Variants in CADM2 observed in about 807,000 individuals in gnomAD.
CADM2 encodes immunoglobulin superfamily member 4D.
CADM2 carries 12 observed loss-of-function variants against 49.8 expected under a neutral mutation model. That is an observed-to-expected ratio of 0.24 (90% confidence interval 0.15 to 0.39). The LOEUF (loss-of-function observed/expected upper bound fraction) is 0.39. CADM2 is among the 10% of genes least tolerant of loss of function. The probability of loss-of-function intolerance (pLI) is 1.00; values close to 1 mark genes in which losing one functional copy is unlikely to be tolerated. For missense variants in CADM2, 378 were observed against 492.3 expected (o/e 0.77, Z 2.20); for synonymous variants, 214 against 175.4 (o/e 1.22, Z -1.74).
chr3:85,167,570 G>A (rs1440183407), intron 1 of CADM2, among the ~76,000 whole-genome samples: 1 of 152,026 alleles, frequency 6.6e-6, no homozygotes, highest in African/African-American at 2.4e-5. Flanking sequence ...TTATAAACTA[G>A]GAGGTGTGAA....
Position 86,036,383 on chromosome 3 carries a change from C to T in CADM2, c.971-29222C>T, listed in dbSNP as rs181162504. On this transcript the variant is annotated intron_variant, in intron 8 of 9. Transcript: ENST00000383699. ...TTTGTACCATTCTTCTGAGTTGTGT[C>T]CTAGGCATCTTCCTGGGTTTCTTTC... Among the ~76,000 whole-genome samples, 4 of 152,180 alleles carry T rather than the reference C, an allele frequency of 2.6e-5. No homozygotes were observed. The East Asian group carries it at 7.7e-4, about 29-fold the overall frequency.
intron 1 of CADM2, among the ~76,000 whole-genome samples, chr3:85,397,112 T>A (rs920465223): frequency 1.3e-5 from 2 of 152,048 alleles, no homozygotes; most frequent in African/African-American, 4.8e-5. Context: ...TAAAGACATT[T>A]CTGTAAAGAA....
At chr3:85,430,041 T>C (rs1033113813) in intron 1 of CADM2, among the ~76,000 whole-genome samples, 3 of 152,112 alleles carry the variant, frequency 2.0e-5, no homozygotes, top group East Asian at 3.9e-4. Context: ...AATGAACACA[T>C]GATGGATCAT....
chr3:85,768,313 G>A (rs2069772742), intron 2 of CADM2, among the ~76,000 whole-genome samples: 1 of 151,838 alleles, frequency 6.6e-6, no homozygotes, highest in Non-Finnish European at 1.5e-5. Context: ...GGGTCTGGTG[G>A]TGGGCACCTG....
In CADM2 at chr3:84,987,053, A is replaced by AAAAAC. The variant is rs370317433; in HGVS notation, c.61+27405_61+27409dup. Among the ~76,000 whole-genome samples, 928 of 152,068 alleles carry AAAAAC rather than the reference A, an allele frequency of 6.1e-3. 12 individuals carry two copies. The highest frequency in any genetic ancestry group is 0.021 in the African/African-American group (870 of 41,492). On this transcript the variant is annotated intron_variant, in intron 1 of 9. Coordinates refer to ENST00000383699, the MANE Select transcript of CADM2 (RefSeq NM_001167675.2). ...GGCAACAAGAGCGAAACTCCGTCTC[A>AAAAAC]AAAACAAAACAAAACAAAACAAAAA...
intron 1 of CADM2, among the ~76,000 whole-genome samples, chr3:85,227,310 G>C (rs995948627): frequency 2.6e-5 from 4 of 152,126 alleles, no homozygotes; most frequent in African/African-American, 7.2e-5. Flanking sequence ...CAGTGCTCCT[G>C]TATAGGGTGC....
At chr3:85,974,260 C>T (rs1481471498) in intron 8 of CADM2, among the ~76,000 whole-genome samples, 1 of 151,510 alleles carries the variant, frequency 6.6e-6, no homozygotes, top group African/African-American at 2.4e-5. Flanking sequence ...AATGAGATAA[C>T]AAATGTGAAA....
chr3:85,222,884 C>T (rs1226070229), intron 1 of CADM2, among the ~76,000 whole-genome samples: 1 of 152,122 alleles, frequency 6.6e-6, no homozygotes, highest in Non-Finnish European at 1.5e-5. Context: ...TTATACATAC[C>T]TATTTTTCCC....
intron 3 of CADM2, among the ~76,000 whole-genome samples, chr3:85,831,023 G>C (rs181891678): frequency 6.6e-6 from 1 of 151,528 alleles, no homozygotes; most frequent in Non-Finnish European, 1.5e-5. Flanking sequence ...CCGTTGTCTC[G>C]TGTTCCCATC....
intron 1 of CADM2, among the ~76,000 whole-genome samples, chr3:85,319,919 C>T (rs1346763284): frequency 6.6e-6 from 1 of 152,278 alleles, no homozygotes; most frequent in Admixed American, 6.5e-5. Flanking sequence ...ACCCCTGAAC[C>T]TAAATAAGAG....
intron 1 of CADM2, among the ~76,000 whole-genome samples, chr3:85,025,081 A>T (rs2034668294): frequency 6.6e-6 from 1 of 152,124 alleles, no homozygotes; most frequent in African/African-American, 2.4e-5. Context: ...GTCAGATGAG[A>T]CTGAAAAATA....
intron 1 of CADM2, among the ~76,000 whole-genome samples, chr3:85,014,126 G>T (rs1269841002): frequency 7.3e-6 from 1 of 137,352 alleles, no homozygotes. Context: ...GTGTAATATT[G>T]TATATTATAT....
chr3:85,542,223 G>C (rs1293364187), intron 1 of CADM2, among the ~76,000 whole-genome samples: 1 of 151,830 alleles, frequency 6.6e-6, no homozygotes, highest in East Asian at 1.9e-4. Flanking sequence ...CAGCTCTCTC[G>C]GTCCCTCAAA....
intron 1 of CADM2, among the ~76,000 whole-genome samples, chr3:85,160,255 C>CA (rs1190067535): frequency 1.3e-5 from 2 of 152,026 alleles, no homozygotes; most frequent in African/African-American, 4.8e-5. Flanking sequence ...TTCCCAAACC[C>CA]AAAATTATTC....
chr3:85,637,356 A>G (rs887468618), intron 1 of CADM2, among the ~76,000 whole-genome samples: 16 of 151,228 alleles, frequency 1.1e-4, no homozygotes, highest in Admixed American at 1.3e-4. Context: ...TAATCCCAGC[A>G]CTTTGGGAGG....
intron 7 of CADM2, among the ~76,000 whole-genome samples, chr3:85,940,929 C>T (rs1388085693): frequency 2.6e-5 from 4 of 151,912 alleles, no homozygotes; most frequent in Non-Finnish European, 5.9e-5. Context: ...ATACCCCCGT[C>T]CTCACCCACT....
chr3:85,633,602 C>A (rs1412611241), intron 1 of CADM2, among the ~76,000 whole-genome samples: 1 of 151,916 alleles, frequency 6.6e-6, no homozygotes, highest in African/African-American at 2.4e-5. Context: ...AACATTGTTT[C>A]AATATGCAGT....
intron 2 of CADM2, among the ~76,000 whole-genome samples, chr3:85,799,247 T>C (rs1187763731): frequency 3.3e-5 from 5 of 152,210 alleles, no homozygotes; most frequent in African/African-American, 4.8e-5. Flanking sequence ...CTCTTCCTAT[T>C]TGAATACCCT....
chr3:85,488,185 A>T (rs1317008532), intron 1 of CADM2, among the ~76,000 whole-genome samples: 1 of 152,204 alleles, frequency 6.6e-6, no homozygotes, highest in East Asian at 1.9e-4. Flanking sequence ...AGGTCTTACT[A>T]AGCCTGTGGG....
Sources: allele counts gnomAD v4.1 joint callset (sites outside exome capture counted in the v4.1 genomes callset), GRCh38; gene constraint gnomAD v4.1.1; transcripts MANE v1.5; gene names NCBI Gene and HGNC (gene_info 2026-07-23, HGNC 2026-07-21).